TTK: variants seen among roughly 807,000 people sequenced by gnomAD.
TTK encodes the protein dual specificity protein kinase TTK.
A neutral mutation model predicts 117.3 loss-of-function variants in TTK; 59 were observed. That is an observed-to-expected ratio of 0.50 (90% CI 0.41 to 0.62). The LOEUF is 0.62. Among genes scored for constraint, TTK ranks in the 20% least tolerant of loss-of-function variants. The probability of loss-of-function intolerance (pLI) is 0.00; values close to 1 mark genes in which losing one functional copy is unlikely to be tolerated. For synonymous variants in TTK, 302 were observed against 325.0 expected, an observed-to-expected ratio of 0.93 and a Z score of 0.76; for missense variants, 921 against 989.4, an observed-to-expected ratio of 0.93 and a Z score of 0.93.
At chr6:80,014,438 T>C in intron 9 of TTK, 25 bp from the exon 10 acceptor site, 1 of 1,580,056 alleles carries the variant, frequency 6.3e-7, no homozygotes, top group Admixed American at 1.8e-5. Flanking sequence ...TTATGGGACT[T>C]TATTTGATTT....
At chr6:80,026,285 T>C (rs1767602152) in intron 11 of TTK, 93 bp from the exon 12 acceptor site, 1 of 1,303,452 alleles carries the variant, frequency 7.7e-7, no homozygotes, top group South Asian at 1.5e-5. Context: ...TCATATGTTA[T>C]TATTTTATTT....
intron 11 of TTK, among the ~76,000 whole-genome samples, chr6:80,024,208 C>T (rs1767543987): frequency 6.6e-6 from 1 of 152,146 alleles, no homozygotes; most frequent in African/African-American, 2.4e-5. Context: ...GGGAGTTCTT[C>T]AAAAGGTTAA....
chr6:80,040,772 G>C (rs1768028716), intron 21 of TTK, 69 bp downstream of exon 21: 1 of 1,474,392 alleles, frequency 6.8e-7, no homozygotes, highest in Non-Finnish European at 9.2e-7. Context: ...TAAGGAAACA[G>C]GTAGTCTGAA....
chr6:80,022,893 CTG>C (rs1370615099), intron 11 of TTK, among the ~76,000 whole-genome samples: 52 of 152,312 alleles, frequency 3.4e-4, no homozygotes, highest in Non-Finnish European at 8.8e-5. Flanking sequence ...TTACCGAAAA[CTG>C]TATGCTGATC....
At position 80,035,286 on chromosome 6, in the gene TTK, T is replaced by C. The variant is rs1362531121; in HGVS notation, c.1793T>C (p.Ile598Thr). 1 of 1,604,958 alleles carries C rather than the reference T, an allele frequency of 6.2e-7. No individual in the cohort carries two copies. Among genetic ancestry groups the C allele is most frequent in the African/African-American group, 1.3e-5 (1 of 74,354 alleles). The change falls in exon 16 of 22, where the codon ATC becomes ACC. Residue 598 changes from isoleucine to threonine, a missense_variant. Physicochemically the swap from Ile to Thr is moderately conservative, Grantham distance 89. Coordinates refer to ENST00000369798, the MANE Select transcript of TTK (RefSeq NM_003318.5). ...TGCAGTGAAATCACGGACCAGTACA[T>C]CTACATGGTAATGGAGTGTGGAAAT... ...LYDYEITDQYIYMVMECGNID... is the reference protein window; with the variant it reads ...LYDYEITDQYTYMVMECGNID...
intron 11 of TTK, among the ~76,000 whole-genome samples, chr6:80,023,369 A>G (rs1195733525): frequency 2.0e-5 from 3 of 152,222 alleles, no homozygotes. Flanking sequence ...CAAGGCGGGC[A>G]GATCACGAGG....
intron 14 of TTK, among the ~76,000 whole-genome samples, chr6:80,032,950 A>G (rs1389103783): frequency 2.0e-5 from 3 of 152,190 alleles, no homozygotes; most frequent in African/African-American, 7.2e-5. Context: ...ATTAACATCT[A>G]TTACCTCAAT....
At chr6:80,008,343 T>G in intron 3 of TTK, 43 bp from the exon 4 acceptor site, 1 of 1,559,202 alleles carries the variant, frequency 6.4e-7, no homozygotes, top group Non-Finnish European at 8.8e-7. Flanking sequence ...TTTAAGTAGC[T>G]ATGTTCTTTT....
chr6:80,026,114 A>G (rs1049986815), intron 11 of TTK, among the ~76,000 whole-genome samples: 1 of 152,142 alleles, frequency 6.6e-6, no homozygotes, highest in Non-Finnish European at 1.5e-5. Flanking sequence ...AGAATGTTAA[A>G]TTCTGTTTTA....
At chr6:80,007,328 T>G (rs1483339078) in intron 2 of TTK, among the ~76,000 whole-genome samples, 3 of 152,126 alleles carry the variant, frequency 2.0e-5, no homozygotes, top group Admixed American at 6.5e-5. Flanking sequence ...TATACAGAGA[T>G]AATGTTGAAT....
intron 1 of TTK, 55 bp from the exon 2 acceptor site, chr6:80,005,787 T>G (rs183311038): frequency 3.8e-6 from 6 of 1,581,670 alleles, no homozygotes; most frequent in Middle Eastern, 1.9e-4. Flanking sequence ...CTAGTGCATT[T>G]TTTTCTTTGA....
intron 5 of TTK, among the ~76,000 whole-genome samples, 175 bp from the exon 6 acceptor site, chr6:80,011,259 G>T (rs543081538): frequency 4.0e-5 from 6 of 151,774 alleles, no homozygotes; most frequent in African/African-American, 1.4e-4. Context: ...TAATTTAAGA[G>T]AATTTGAAGA....
intron 17 of TTK, 119 bp downstream of exon 17, chr6:80,036,718 C>T (rs1313444112): frequency 2.7e-6 from 3 of 1,097,956 alleles, no homozygotes; most frequent in East Asian, 5.6e-5. Flanking sequence ...GATTTGAAGT[C>T]TTTTAATAAG....
In TTK at chr6:80,014,503, A is replaced by T; in HGVS notation, c.1025A>T (p.Asp342Val). The T allele has an allele frequency of 6.2e-7, 1 of 1,610,166 alleles. No individual in the cohort carries two copies. ...NSHFKEPLVS[D>V]EKSSELIITD... is the part of the protein sequence containing the mutation. ...CATTTCAAGGAACCTCTGGTGTCAG[A>T]TGAAAAGAGTTCTGAACTTATTATT... Residue 342 changes from aspartate (D) to valine (V), a missense_variant, in exon 10 of 22, where the codon GAT (aspartate) becomes GTT (valine). Coordinates refer to ENST00000369798, the MANE Select transcript of TTK (RefSeq NM_003318.5).
intron 10 of TTK, among the ~76,000 whole-genome samples, chr6:80,020,797 T>C (rs1055719179): frequency 1.3e-5 from 2 of 152,230 alleles, no homozygotes; most frequent in Non-Finnish European, 2.9e-5. Flanking sequence ...CAGCCTATCT[T>C]GCTGCTTTCT....
At chr6:80,020,894 C>A (rs1405811215) in intron 10 of TTK, among the ~76,000 whole-genome samples, 1 of 152,186 alleles carries the variant, frequency 6.6e-6, no homozygotes, top group Non-Finnish European at 1.5e-5. Context: ...CAGGCGGATC[C>A]AATGCAGATG....
intron 2 of TTK, 193 bp downstream of exon 2, chr6:80,006,175 G>A: frequency 1.5e-6 from 1 of 654,190 alleles, no homozygotes. Context: ...TCTGGCACAT[G>A]GTAGGTAGGC....
In TTK at chr6:80,026,458, C is replaced by T; in HGVS notation, c.1338C>T (p.Asp446=). 6.2e-7 allele frequency: 1 copy of T among 1,613,824 alleles called. No individual in the cohort carries two copies. Among genetic ancestry groups the T allele is most frequent in the Non-Finnish European group, 8.5e-7 (1 of 1,179,866 alleles). ...CAATATCAACATCTAAATGGTTTGA[C>T]CCAAAATCTATTTGTAAGACACCAA... The part of the protein sequence containing the change: ...SPPISTSKWF[D]PKSICKTPSS... Residue 446 remains aspartate (D), a synonymous_variant, in exon 12 of 22, where the codon GAC becomes GAT. Coordinates refer to ENST00000369798, the MANE Select transcript of TTK (RefSeq NM_003318.5).
intron 8 of TTK, 145 bp downstream of exon 8, chr6:80,012,125 A>T: frequency 1.5e-6 from 1 of 653,694 alleles, no homozygotes. Flanking sequence ...GTTGTCAGGA[A>T]CAAAGGAATG....
Sources: allele counts gnomAD v4.1 joint callset (sites outside exome capture counted in the v4.1 genomes callset), GRCh38; gene constraint gnomAD v4.1.1; transcripts MANE v1.5; gene names NCBI Gene and HGNC (gene_info 2026-07-23, HGNC 2026-07-21).